Variants in AKT3 observed in about 807,000 individuals in gnomAD.
AKT3 encodes the protein RAC-gamma serine/threonine-protein kinase.
AKT3 carries 15 observed loss-of-function variants against 65.3 expected under a neutral mutation model. That is an observed-to-expected ratio of 0.23 (90% CI 0.15 to 0.35). The LOEUF is 0.35. Among genes scored for constraint, AKT3 ranks in the 10% least tolerant of loss-of-function variants. AKT3 has a pLI of 1.00. For missense variants in AKT3, 243 were observed against 576.5 expected, an observed-to-expected ratio of 0.42 and a Z score of 5.92; for synonymous variants, 206 against 183.8, an observed-to-expected ratio of 1.12 and a Z score of -0.98.
intron 3 of AKT3, among the ~76,000 whole-genome samples, chr1:243,690,679 G>C (rs2148008698): frequency 6.6e-6 from 1 of 151,674 alleles, no homozygotes; most frequent in South Asian, 2.1e-4. Flanking sequence ...TGCTGGAAAT[G>C]GGGCCCCAAA....
intron 13 of AKT3, among the ~76,000 whole-genome samples, chr1:243,512,092 A>C (rs1272994637): frequency 1.3e-5 from 2 of 152,194 alleles, no homozygotes; most frequent in East Asian, 3.8e-4. Flanking sequence ...ATTTCTCTCT[A>C]TATAATTTGT....
chr1:243,629,888 A>G (rs1242791629), intron 6 of AKT3, among the ~76,000 whole-genome samples: 2 of 152,212 alleles, frequency 1.3e-5, no homozygotes, highest in African/African-American at 4.8e-5. Flanking sequence ...CTGATGCACA[A>G]AATTCCAGAA....
chr1:243,512,269 T>G, intron 13 of AKT3, 55 bp downstream of exon 13: 1 of 982,444 alleles, frequency 1.0e-6, no homozygotes, highest in Non-Finnish European at 1.5e-6. Flanking sequence ...TTTCTTCAAT[T>G]ACATTAGGAG....
At chr1:243,807,256 C>CA (rs1692791511) in intron 2 of AKT3, among the ~76,000 whole-genome samples, 1 of 152,214 alleles carries the variant, frequency 6.6e-6, no homozygotes, top group East Asian at 1.9e-4. Context: ...CCGGGAAGCA[C>CA]AAGGCGTCAG....
chr1:243,592,884 A>T (rs1389050386), intron 8 of AKT3, among the ~76,000 whole-genome samples: 3 of 152,236 alleles, frequency 2.0e-5, no homozygotes, highest in Non-Finnish European at 4.4e-5. Context: ...TGGCATTTAT[A>T]ACACATACAA....
chr1:243,553,716 A>G (rs1673227609), intron 10 of AKT3, among the ~76,000 whole-genome samples: 1 of 152,174 alleles, frequency 6.6e-6, no homozygotes, highest in Non-Finnish European at 1.5e-5. Flanking sequence ...AATGATACAA[A>G]AGTATCCGTT....
chr1:243,728,456 G>A (rs1168537893), intron 2 of AKT3, among the ~76,000 whole-genome samples: 29 of 152,222 alleles, frequency 1.9e-4, no homozygotes, highest in Admixed American at 1.9e-3. Flanking sequence ...TATGCCAGCT[G>A]TAAGTTTTAA....
intron 2 of AKT3, among the ~76,000 whole-genome samples, chr1:243,773,542 A>G (rs1400024979): frequency 6.6e-6 from 1 of 152,124 alleles, no homozygotes; most frequent in African/African-American, 2.4e-5. Context: ...TGAGCCCAGG[A>G]GTTCCAGGCT....
intron 12 of AKT3, among the ~76,000 whole-genome samples, chr1:243,538,403 AAC>A (rs1460669098): frequency 6.6e-6 from 1 of 152,132 alleles, no homozygotes; most frequent in Non-Finnish European, 1.5e-5. Flanking sequence ...AGAAAAAAAA[AAC>A]AAACAGCAAG....
chr1:243,742,068 AAAAAAAAAACAGT>A (rs1420871435), intron 2 of AKT3, among the ~76,000 whole-genome samples: 1 of 151,074 alleles, frequency 6.6e-6, no homozygotes, highest in Non-Finnish European at 1.5e-5. Flanking sequence ...TTAAAAAAAA[AAAAAAAAAACAGT>A]AAAAAATAAC....
intron 6 of AKT3, among the ~76,000 whole-genome samples, chr1:243,616,739 T>C (rs887174220): frequency 2.0e-5 from 3 of 152,156 alleles, no homozygotes; most frequent in African/African-American, 4.8e-5. Flanking sequence ...CGAAAGATAA[T>C]GATAACTAGA....
chr1:243,495,868 C>A (rs966217789), downstream of AKT3, among the ~76,000 whole-genome samples: 23 of 152,150 alleles, frequency 1.5e-4, no homozygotes, highest in African/African-American at 4.6e-4. Flanking sequence ...CTGGCTGCCC[C>A]TCATCTGCCA....
intron 2 of AKT3, among the ~76,000 whole-genome samples, chr1:243,767,147 T>A (rs9428970): frequency 0.83 from 126,789 of 152,134 alleles, 52,984 homozygotes; most frequent in Non-Finnish European, 0.87. Context: ...TAAGGATGGG[T>A]TATAGTCACA....
chr1:243,599,429 TGCACAAAAGACAGAA>T (rs1676853437), intron 8 of AKT3, among the ~76,000 whole-genome samples: 1 of 152,154 alleles, frequency 6.6e-6, no homozygotes, highest in African/African-American at 2.4e-5. Context: ...TGAGAACAAC[TGCACAAAAGACAGAA>T]GGCAGGGAAA....
intron 6 of AKT3, among the ~76,000 whole-genome samples, chr1:243,635,209 A>C (rs1304995916): frequency 6.6e-6 from 1 of 151,990 alleles, no homozygotes; most frequent in Non-Finnish European, 1.5e-5. Flanking sequence ...TCAATGACAA[A>C]GGAAATTAGA....
chr1:243,550,958 CAAAAAAAA>C (rs60047036), intron 11 of AKT3, among the ~76,000 whole-genome samples: 13 of 17,544 alleles, frequency 7.4e-4, no homozygotes, highest in Non-Finnish European at 8.4e-4. Flanking sequence ...GACTCCCTCT[CAAAAAAAA>C]AAAAAAAAAA....
At chr1:243,627,975 A>G (rs554962343) in intron 6 of AKT3, among the ~76,000 whole-genome samples, 20 of 152,338 alleles carry the variant, frequency 1.3e-4, no homozygotes, top group Admixed American at 6.5e-4. Flanking sequence ...ATACACTCAG[A>G]TATGATTTTA....
chr1:243,541,747 G>T (rs1672333544), intron 12 of AKT3, among the ~76,000 whole-genome samples: 1 of 152,092 alleles, frequency 6.6e-6, no homozygotes, highest in South Asian at 2.1e-4. Context: ...ATACAGATTA[G>T]AAATGAAGTA....
intron 3 of AKT3, among the ~76,000 whole-genome samples, chr1:243,679,910 T>C (rs572280219): frequency 6.6e-6 from 1 of 152,306 alleles, no homozygotes; most frequent in East Asian, 1.9e-4. Context: ...AACAAAAATA[T>C]TTTAACAAAA....
Sources: allele counts gnomAD v4.1 joint callset (sites outside exome capture counted in the v4.1 genomes callset), GRCh38; gene constraint gnomAD v4.1.1; transcripts MANE v1.5; gene names NCBI Gene and HGNC (gene_info 2026-07-23, HGNC 2026-07-21).